Variants in ZNF721 observed in about 807,000 individuals in gnomAD.
ZNF721 encodes the protein zinc finger protein 721.
A neutral mutation model predicts 2.4 loss-of-function variants in ZNF721; 2 were observed. That is an observed-to-expected ratio of 0.82 (90% CI 0.34 to 2.58). ZNF721 has a LOEUF of 2.58. Among genes scored for constraint, ZNF721 ranks in the 30% most tolerant of loss-of-function variants. The pLI is 0.11. For missense variants in ZNF721, 1,187 were observed against 1,085.5 expected, an observed-to-expected ratio of 1.09 and a Z score of -1.31; for synonymous variants, 398 against 381.8, an observed-to-expected ratio of 1.04 and a Z score of -0.50.
rs181015575 is a variant in ZNF721 at position 449,458 on chromosome 4, T to G, written c.35-5026A>C. Reference sequence around the variant, plus strand: ...AAAAAAGTCAATCACAAATAAAGATTTAAATGGGAAACCCAAATAAAGCTA... The same window carrying G: ...AAAAAAGTCAATCACAAATAAAGATGTAAATGGGAAACCCAAATAAAGCTA... On this transcript the variant is annotated intron_variant, in intron 2 of 2. Coordinates refer to ENST00000511833, the MANE Select transcript of ZNF721 (RefSeq NM_133474.4). Among the ~76,000 whole-genome samples, 853 of 152,182 alleles carry G rather than the reference T, an allele frequency of 5.6e-3. 14 individuals are homozygous for G. The highest frequency in any genetic ancestry group is 4.7e-3 in the Non-Finnish European group (317 of 67,984).
chr4:442,157 T>A lies in ZNF721; in HGVS notation c.2310A>T (p.Arg770Ser). Residue 770 changes from arginine to serine, a missense_variant, in exon 3 of 3, where the codon AGA (arginine) becomes AGT (serine). By Grantham distance (110) the Arg-to-Ser change is moderately radical. Transcript: ENST00000511833. ...KVFKQSSHLN[R>S]HEKIHTGKKP... ...TCTTTCCAGTATGAATTTTCTCATG[T>A]CTATTCAGGTGTGAGGACTGTTTAA... 1 of 1,613,256 alleles carries A rather than the reference T, an allele frequency of 6.2e-7. No individual in the cohort carries two copies. The highest frequency in any genetic ancestry group is 1.7e-5 in the Admixed American group (1 of 59,856).
chr4:445,400 A>G (rs922152107), intron 2 of ZNF721, among the ~76,000 whole-genome samples: 6 of 152,194 alleles, frequency 3.9e-5, no homozygotes, highest in Admixed American at 2.0e-4. Context: ...AATCTCTACC[A>G]AAGACAACTG....
chr4:465,437 T>G (rs1266366388), intron 2 of ZNF721, among the ~76,000 whole-genome samples: 1 of 64,740 alleles, frequency 1.5e-5, no homozygotes, highest in Non-Finnish European at 2.6e-5. Flanking sequence ...TGTTTTTTGT[T>G]TTTTTTTTTT....
chr4:442,634 T>C lies in ZNF721; in HGVS notation c.1833A>G (p.Lys611=), dbSNP rs1332610282. ...TGCCACACTCTTCACATTTGTAAAG[T>C]TTCTCTCCAGTATGAATTTTCTTGT... ...NQHKKIHTGE[K]LYKCEECGKD... The change falls in exon 3 of 3, where the codon AAA becomes AAG. Residue 611 remains lysine (K), a synonymous_variant. Coordinates refer to ENST00000511833, the MANE Select transcript of ZNF721 (RefSeq NM_133474.4). 4.3e-6 allele frequency: 7 copies of C among 1,613,824 alleles called. No individual in the cohort carries two copies. Among genetic ancestry groups the C allele is most frequent in the Non-Finnish European group, 5.9e-6 (7 of 1,179,930 alleles).
intron 2 of ZNF721, among the ~76,000 whole-genome samples, chr4:470,014 C>T (rs1414066890): frequency 6.6e-6 from 1 of 152,176 alleles, no homozygotes; most frequent in Non-Finnish European, 1.5e-5. Flanking sequence ...TCCCGAGTAG[C>T]TAGGACTACA....
At position 441,446 on chromosome 4, in the gene ZNF721, T is replaced by C. The variant is rs1714231854; in HGVS notation, c.*249A>G. 2.8e-6 allele frequency: 1 copy of C among 360,912 alleles called. No individual in the cohort carries two copies. Among genetic ancestry groups the C allele is most frequent in the Non-Finnish European group, 5.0e-6 (1 of 201,386 alleles). The allele number at this position is 360,912 out of a possible 1,614,324, so 22.4% of individuals were successfully genotyped here. On this transcript the variant is annotated 3_prime_UTR_variant, in exon 3 of 3. Coordinates refer to ENST00000511833, the MANE Select transcript of ZNF721 (RefSeq NM_133474.4). ...GAATTGGAAGTCTTTGCCACATTTT[T>C]AATTTTAATTTGGCTTCTCATCAAT...
In ZNF721 at chr4:443,406, AT is replaced by A. The variant is rs1714344122; in HGVS notation, c.1060del (p.Ile354PhefsTer23). 1 of 1,612,900 alleles carries A rather than the reference AT, an allele frequency of 6.2e-7. No individual in the cohort carries two copies. The highest frequency in any genetic ancestry group is 8.5e-7 in the Non-Finnish European group (1 of 1,179,172). The stretch of plus-strand genomic sequence containing the variant: ...TTTGTAAGGTTTCTCTCCAGTATGA[AT>A]TCTCCTATGTACGTAAAGGTTTGCG... ...QSANLYVHRRIHTGEKPYKCE... is the reference protein window; with the variant it reads ...QSANLYVHRRXHTGEKPYKCE... On this transcript the variant is annotated frameshift_variant, in exon 3 of 3. Coordinates refer to ENST00000511833, the MANE Select transcript of ZNF721 (RefSeq NM_133474.4). LOFTEE classifies it low-confidence loss of function (END_TRUNC).
At position 442,170 on chromosome 4, in the gene ZNF721, G is replaced by A. The variant is rs531627742; in HGVS notation, c.2297C>T (p.Ser766Leu). 23 of 1,612,824 alleles carry A rather than the reference G, an allele frequency of 1.4e-5. No homozygotes were observed. In the South Asian group the frequency reaches 2.0e-4, roughly 14 times the overall value. Residue 766 changes from serine (S) to leucine (L), a missense_variant, in exon 3 of 3, where the codon TCA (serine) becomes TTA (leucine). Coordinates refer to ENST00000511833, the MANE Select transcript of ZNF721 (RefSeq NM_133474.4). ...AATTTTCTCATGTCTATTCAGGTGT[G>A]AGGACTGTTTAAACACTTTCCCACA... The part of the protein sequence containing the change: ...KECGKVFKQS[S>L]HLNRHEKIHT...
intron 2 of ZNF721, among the ~76,000 whole-genome samples, chr4:447,093 G>A (rs564254088): frequency 1.1e-4 from 16 of 152,206 alleles, no homozygotes; most frequent in African/African-American, 2.9e-4. Flanking sequence ...AGGCCGAGGC[G>A]GGTGGATCAC....
chr4:442,630 A>T lies in ZNF721; in HGVS notation c.1837T>A (p.Tyr613Asn). Residue 613 changes from tyrosine to asparagine, a missense_variant, in exon 3 of 3, where the codon TAC becomes AAC. Transcript: ENST00000511833. ...TCTTTGCCACACTCTTCACATTTGT[A>T]AAGTTTCTCTCCAGTATGAATTTTC... is the stretch of plus-strand genomic sequence containing the variant. ...HKKIHTGEKLYKCEECGKDFV... is the reference protein window; with the variant it reads ...HKKIHTGEKLNKCEECGKDFV... 6.2e-7 allele frequency: 1 copy of T among 1,613,908 alleles called. No individual in the cohort carries two copies. The highest frequency in any genetic ancestry group is 8.5e-7 in the Non-Finnish European group (1 of 1,179,896).
rs567037394 is a variant in ZNF721 at position 448,263 on chromosome 4, C to T, written c.35-3831G>A. Among the ~76,000 whole-genome samples the T allele has an allele frequency of 6.3e-4, 96 of 151,934 alleles. 2 individuals carry two copies. In the South Asian group the frequency reaches 0.018, roughly 29 times the overall value. ...ATAAAAGAAAGAAAACTATAAACCC[C>T]GTCTCTACTAAAAATACAAAAAATT... On this transcript the variant is annotated intron_variant, in intron 2 of 2. Transcript: ENST00000511833.
chr4:473,064 G>A (rs1332507345), intron 1 of ZNF721, among the ~76,000 whole-genome samples: 15 of 152,044 alleles, frequency 9.9e-5, no homozygotes, highest in African/African-American at 3.1e-4. Flanking sequence ...AAACAGAAAT[G>A]TTTCCACCCA....
intron 1 of ZNF721, among the ~76,000 whole-genome samples, chr4:494,162 G>A (rs959093417): frequency 1.3e-5 from 2 of 151,170 alleles, no homozygotes; most frequent in Non-Finnish European, 2.9e-5. Flanking sequence ...AGACATATTA[G>A]GCATGCCAAT....
At position 456,050 on chromosome 4, in the gene ZNF721, TTTTA is replaced by T. The variant is rs59869428; in HGVS notation, c.35-11622_35-11619del. 2.7e-3 allele frequency among the ~76,000 whole-genome samples: 390 copies of T among 144,402 alleles called. 1 individual carries two copies. The highest frequency in any genetic ancestry group is 6.3e-3 in the East Asian group (31 of 4,882). 94.7% of individuals were successfully genotyped at this position (144,402 alleles called of 152,430 possible). On this transcript the variant is annotated intron_variant, in intron 2 of 2. Coordinates refer to ENST00000511833, the MANE Select transcript of ZNF721 (RefSeq NM_133474.4). ...AAACAGTCATGATCACCAAAAAAAT[TTTTA>T]TTTATTTATTTATTTATTTATTTAT...
chr4:442,945 T>C lies in ZNF721; in HGVS notation c.1522A>G (p.Lys508Glu). 1 of 1,613,974 alleles carries C rather than the reference T, an allele frequency of 6.2e-7. No individual in the cohort carries two copies. Among genetic ancestry groups the C allele is most frequent in the Non-Finnish European group, 8.5e-7 (1 of 1,179,880 alleles). The change falls in exon 3 of 3, where the codon AAA becomes GAA. Residue 508 changes from lysine to glutamate, a missense_variant. Transcript: ENST00000511833. ...AGGGTTGTGGAACTAGTAAACGCTT[T>C]ACCACATTCTAAACATTCAAAGGGT... is the stretch of plus-strand genomic sequence containing the variant. ...EKPFECLECGKAFTSSTTLTK... is the reference protein window; with the variant it reads ...EKPFECLECGEAFTSSTTLTK...
chr4:472,772 G>T, intron 1 of ZNF721, 71 bp from the exon 2 acceptor site: 1 of 1,579,976 alleles, frequency 6.3e-7, no homozygotes, highest in Non-Finnish European at 8.6e-7. Context: ...AAGAGAACCA[G>T]TTCTGACATG....
chr4:495,117 C>T (rs782703932), intron 1 of ZNF721, among the ~76,000 whole-genome samples: 38 of 151,938 alleles, frequency 2.5e-4, no homozygotes, highest in Non-Finnish European at 5.3e-4. Flanking sequence ...CTCCTGACCT[C>T]GTGATCCGCC....
At chr4:486,964 T>G (rs555748967) in intron 1 of ZNF721, among the ~76,000 whole-genome samples, 2 of 152,264 alleles carry the variant, frequency 1.3e-5, no homozygotes, top group East Asian at 3.9e-4. Flanking sequence ...CCCTTGAAGG[T>G]CCAGGAAACC....
chr4:456,260 G>A (rs1714846157), intron 2 of ZNF721, among the ~76,000 whole-genome samples: 1 of 152,008 alleles, frequency 6.6e-6, no homozygotes, highest in South Asian at 2.1e-4. Flanking sequence ...AGTGGAGACA[G>A]GGTTTCTCCA....
Sources: allele counts gnomAD v4.1 joint callset (sites outside exome capture counted in the v4.1 genomes callset), GRCh38; gene constraint gnomAD v4.1.1; transcripts MANE v1.5; gene names NCBI Gene and HGNC (gene_info 2026-07-23, HGNC 2026-07-21).